Variants in DPP10 observed in about 807,000 individuals in gnomAD.
DPP10 encodes inactive dipeptidyl peptidase 10.
A neutral mutation model predicts 120.9 loss-of-function variants in DPP10; 33 were observed. That is an observed-to-expected ratio of 0.27 (90% CI 0.21 to 0.37). DPP10 has a LOEUF of 0.37. Ranked by LOEUF, DPP10 falls within the 10% of genes least tolerant of loss-of-function variation. The probability of loss-of-function intolerance (pLI) is 1.00; values close to 1 mark genes in which losing one functional copy is unlikely to be tolerated. For synonymous variants in DPP10, 337 were observed against 326.1 expected (o/e 1.03, Z -0.36); for missense variants, 816 against 942.8 (o/e 0.87, Z 1.76).
At chr2:115,504,063 A>G (rs1471998319) in intron 4 of DPP10, among the ~76,000 whole-genome samples, 1 of 152,102 alleles carries the variant, frequency 6.6e-6, no homozygotes, top group Non-Finnish European at 1.5e-5. Flanking sequence ...TTCCAGGTTC[A>G]TTAGTTTCAG....
intron 3 of DPP10, among the ~76,000 whole-genome samples, chr2:115,475,048 A>G (rs2074986508): frequency 6.6e-6 from 1 of 152,198 alleles, no homozygotes; most frequent in Non-Finnish European, 1.5e-5. Context: ...TTTGCAGGGG[A>G]GGAATTCAAA....
At chr2:115,264,494 C>T (rs946822334) in intron 1 of DPP10, among the ~76,000 whole-genome samples, 2 of 152,040 alleles carry the variant, frequency 1.3e-5, no homozygotes, top group Non-Finnish European at 1.5e-5. Flanking sequence ...AACTCACATT[C>T]GATTAGTTGA....
At chr2:115,723,170 A>G (rs2092687037) in intron 7 of DPP10, among the ~76,000 whole-genome samples, 1 of 152,226 alleles carries the variant, frequency 6.6e-6, no homozygotes, top group Non-Finnish European at 1.5e-5. Context: ...CACCCCCAGT[A>G]ATAAAAAACC....
intron 1 of DPP10, among the ~76,000 whole-genome samples, chr2:115,257,591 G>A (rs554625516): frequency 1.3e-5 from 2 of 152,256 alleles, no homozygotes; most frequent in South Asian, 4.1e-4. Context: ...CCACCCACCA[G>A]GCCCCATCTT....
At chr2:114,705,428 T>G (rs1052292284) in intron 1 of DPP10, among the ~76,000 whole-genome samples, 15 of 152,134 alleles carry the variant, frequency 9.9e-5, no homozygotes, top group African/African-American at 3.6e-4. Flanking sequence ...AGATGTATAT[T>G]ATGTATATAT....
chr2:115,544,995 G>A (rs1333259515), intron 5 of DPP10, among the ~76,000 whole-genome samples: 2 of 151,866 alleles, frequency 1.3e-5, no homozygotes, highest in Non-Finnish European at 2.9e-5. Context: ...GATAGTTACC[G>A]AGAAATGACA....
intron 10 of DPP10, among the ~76,000 whole-genome samples, chr2:115,750,467 T>G (rs1268656386): frequency 3.3e-5 from 5 of 152,184 alleles, no homozygotes; most frequent in African/African-American, 1.2e-4. Flanking sequence ...CAATTAAAAT[T>G]TGTGGAGAGC....
At chr2:115,468,531 A>G (rs1233294494) in intron 3 of DPP10, 10 of 431,900 alleles carry the variant, frequency 2.3e-5, no homozygotes, top group Non-Finnish European at 4.6e-5. Flanking sequence ...GGACATTGCC[A>G]TCCCACTCAA....
intron 1 of DPP10, among the ~76,000 whole-genome samples, chr2:115,066,103 A>G (rs2105421213): frequency 6.6e-6 from 1 of 152,312 alleles, no homozygotes; most frequent in South Asian, 2.1e-4. Flanking sequence ...GCCTAAGATA[A>G]ACATTAAATA....
At chr2:115,473,168 G>A (rs1383219295) in intron 3 of DPP10, among the ~76,000 whole-genome samples, 1 of 152,102 alleles carries the variant, frequency 6.6e-6, no homozygotes, top group Non-Finnish European at 1.5e-5. Flanking sequence ...AATTAGCATT[G>A]TAATATTATT....
intron 1 of DPP10, among the ~76,000 whole-genome samples, chr2:114,689,801 G>C (rs1205627105): frequency 6.6e-6 from 1 of 151,824 alleles, no homozygotes; most frequent in Admixed American, 6.6e-5. Context: ...CCTCATTGAG[G>C]TTTTGATTTG....
chr2:115,763,439 A>C (rs1012554894), intron 12 of DPP10, among the ~76,000 whole-genome samples: 1 of 152,138 alleles, frequency 6.6e-6, no homozygotes, highest in East Asian at 1.9e-4. Context: ...TTTTCTAGTC[A>C]GTCTTCTTAA....
intron 1 of DPP10, among the ~76,000 whole-genome samples, chr2:114,806,551 G>A (rs934345284): frequency 2.0e-5 from 3 of 152,186 alleles, no homozygotes; most frequent in African/African-American, 7.2e-5. Flanking sequence ...ACCTGGGAAT[G>A]ATATGTGTCA....
chr2:114,970,096 A>G (rs1369508517), intron 1 of DPP10, among the ~76,000 whole-genome samples: 1 of 152,098 alleles, frequency 6.6e-6, no homozygotes, highest in Admixed American at 6.5e-5. Context: ...AATAAAGGAG[A>G]AAAACTGGAA....
At chr2:115,387,494 T>A (rs1022846950) in intron 3 of DPP10, among the ~76,000 whole-genome samples, 1 of 152,192 alleles carries the variant, frequency 6.6e-6, no homozygotes, top group Non-Finnish European at 1.5e-5. Context: ...GGATTTCCTT[T>A]GAACTCTGTT....
chr2:114,941,859 G>T (rs757444280), intron 1 of DPP10, among the ~76,000 whole-genome samples: 2 of 152,052 alleles, frequency 1.3e-5, no homozygotes, highest in African/African-American at 2.4e-5. Flanking sequence ...ACATGAGGAC[G>T]TGGTAAAATT....
intron 1 of DPP10, among the ~76,000 whole-genome samples, chr2:114,774,704 G>A (rs1040156056): frequency 6.6e-6 from 1 of 150,784 alleles, no homozygotes; most frequent in Non-Finnish European, 1.5e-5. Flanking sequence ...ACTGGGATGA[G>A]CATTAATGGA....
chr2:115,260,630 T>C (rs1344787545), intron 1 of DPP10, among the ~76,000 whole-genome samples: 2 of 152,214 alleles, frequency 1.3e-5, no homozygotes, highest in Non-Finnish European at 2.9e-5. Context: ...TTTAGAAAAC[T>C]GGACCACAAA....
At chr2:114,615,054 C>T (rs1188370214) in intron 1 of DPP10, among the ~76,000 whole-genome samples, 1 of 152,034 alleles carries the variant, frequency 6.6e-6, no homozygotes, top group Non-Finnish European at 1.5e-5. Context: ...ATTAGTGAGT[C>T]CATGGAATGT....
Sources: allele counts gnomAD v4.1 joint callset (sites outside exome capture counted in the v4.1 genomes callset), GRCh38; gene constraint gnomAD v4.1.1; transcripts MANE v1.5; gene names NCBI Gene and HGNC (gene_info 2026-07-23, HGNC 2026-07-21).